The following RP1 variants were observed in gnomAD, a reference collection of about 807,000 sequenced individuals.
The protein encoded by RP1 is RP1 axonemal microtubule associated.
RP1 carries 16 observed loss-of-function variants against 14.8 expected under a neutral mutation model. That is an observed-to-expected ratio of 1.08 (90% CI 0.73 to 1.65). The LOEUF (loss-of-function observed/expected upper bound fraction) is 1.65, where lower values mean the gene tolerates loss of function less well. Ranked by LOEUF, RP1 falls within the 40% of genes most tolerant of loss-of-function variation. The pLI, the probability that RP1 is intolerant of heterozygous loss-of-function variation, is 0.00. For synonymous variants in RP1, 876 were observed against 883.6 expected (o/e 0.99, Z 0.15); for missense variants, 2,631 against 2,535.0 (o/e 1.04, Z -0.81).
chr8:54,693,331 G>A (rs1807765962), intron 12 of RP1, among the ~76,000 whole-genome samples: 2 of 152,138 alleles, frequency 1.3e-5, no homozygotes, highest in Non-Finnish European at 2.9e-5. Flanking sequence ...GAACTTGAAA[G>A]TAGTTTTTTC....
intron 7 of RP1, among the ~76,000 whole-genome samples, chr8:54,671,467 A>G (rs1166100138): frequency 1.3e-5 from 2 of 151,924 alleles, no homozygotes; most frequent in Non-Finnish European, 2.9e-5. Context: ...CGTAATGCAT[A>G]TGTTGGCCTG....
chr8:54,641,632 A>G (rs530835763), intron 3 of RP1, among the ~76,000 whole-genome samples: 1 of 152,312 alleles, frequency 6.6e-6, no homozygotes, highest in East Asian at 1.9e-4. Flanking sequence ...TTTGCCCTCC[A>G]AAAACCAGTT....
At chr8:54,795,133 T>G (rs1257090641) in intron 24 of RP1, among the ~76,000 whole-genome samples, 1 of 151,986 alleles carries the variant, frequency 6.6e-6, no homozygotes, top group Non-Finnish European at 1.5e-5. Context: ...CCCTTGTATA[T>G]TGCTTGTGGG....
intron 1 of RP1, among the ~76,000 whole-genome samples, chr8:54,601,907 C>T (rs899225949): frequency 5.3e-5 from 8 of 152,242 alleles, no homozygotes; most frequent in Middle Eastern, 3.4e-3. Context: ...AAAGTAGATT[C>T]GTGGTTGCCT....
In RP1 at chr8:54,640,181, A is replaced by G. The variant is rs140906795; in HGVS notation, c.788-8804A>G. On this transcript the variant is annotated intron_variant, in intron 3 of 22. Coordinates refer to the RP1 transcript ENST00000636932. ...TCATTTTATTTTAAATGGACATCCAATTATTCCAGCACTCTTTGTTCCAAA... is the reference window on the plus strand; with the variant it reads ...TCATTTTATTTTAAATGGACATCCAGTTATTCCAGCACTCTTTGTTCCAAA... 8.1e-3 allele frequency among the ~76,000 whole-genome samples: 1,227 copies of G among 152,026 alleles called. 18 individuals are homozygous for G. Among genetic ancestry groups the G allele is most frequent in the African/African-American group, 0.028 (1,167 of 41,454 alleles).
chr8:54,851,050 C>T (rs73679637), intron 25 of RP1, among the ~76,000 whole-genome samples: 15,757 of 150,066 alleles, frequency 0.1, 2,413 homozygotes, highest in African/African-American at 0.34. Flanking sequence ...AGTACACGTA[C>T]GTGTGTGTGT....
chr8:54,771,338 TG>T (rs1183650672), downstream of RP1, among the ~76,000 whole-genome samples: 2 of 151,988 alleles, frequency 1.3e-5, no homozygotes, highest in Admixed American at 1.3e-4. Context: ...TACCAGAACT[TG>T]GTGGGGCATA....
intron 6 of RP1, among the ~76,000 whole-genome samples, chr8:54,659,929 G>T (rs1806848869): frequency 6.6e-6 from 1 of 152,004 alleles, no homozygotes; most frequent in Non-Finnish European, 1.5e-5. Flanking sequence ...ATCTTTTGCT[G>T]CCTTGGTTTA....
chr8:54,573,986 C>A (rs1804587956), intron 1 of RP1, among the ~76,000 whole-genome samples: 1 of 152,206 alleles, frequency 6.6e-6, no homozygotes, highest in Non-Finnish European at 1.5e-5. Context: ...AGAGGACCTG[C>A]ATGTGTGCAG....
intron 12 of RP1, among the ~76,000 whole-genome samples, chr8:54,684,047 T>G (rs962045755): frequency 1.3e-5 from 2 of 151,964 alleles, no homozygotes; most frequent in African/African-American, 4.8e-5. Context: ...ACCAAAGGTC[T>G]TTTCTGTGTC....
intron 22 of RP1, chr8:54,759,174 GTATC>G (rs1809580561): frequency 9.6e-7 from 1 of 1,046,768 alleles, no homozygotes; most frequent in African/African-American, 1.8e-5. Context: ...GTGTGTGTGT[GTATC>G]TTTTAGGTCA....
intron 26 of RP1, among the ~76,000 whole-genome samples, chr8:54,853,689 T>C (rs1381016596): frequency 6.8e-6 from 1 of 147,460 alleles, no homozygotes. Context: ...GGTAGGAGAA[T>C]TGCTTGAGCC....
At position 54,827,790 on chromosome 8, in the gene RP1, C is replaced by T. The variant is rs545915879; in HGVS notation, c.3616-9660C>T. Among the ~76,000 whole-genome samples the T allele has an allele frequency of 4.6e-5, 7 of 152,012 alleles. No homozygotes were observed. The East Asian group carries it at 9.7e-4, about 21-fold the overall frequency. On this transcript the variant is annotated intron_variant, in intron 24 of 28. Transcript: ENST00000637698. ...ACAGGCGCTTGTAATCTCAGCTACT[C>T]GGGAGGCTGAGGCGGAAGAAGTGCT...
intron 1 of RP1, among the ~76,000 whole-genome samples, chr8:54,573,118 T>C (rs144378863): frequency 6.6e-6 from 1 of 152,280 alleles, no homozygotes; most frequent in Non-Finnish European, 1.5e-5. Flanking sequence ...TTTTTGGCCA[T>C]AAAACTGTGC....
At chr8:54,583,475 T>C (rs967862789) in intron 1 of RP1, among the ~76,000 whole-genome samples, 2 of 152,164 alleles carry the variant, frequency 1.3e-5, no homozygotes, top group African/African-American at 4.8e-5. Context: ...TTTTGTTGTG[T>C]CTCTGCCAGG....
chr8:54,645,934 T>TA (rs1480444653), intron 3 of RP1, among the ~76,000 whole-genome samples: 7 of 152,142 alleles, frequency 4.6e-5, no homozygotes, highest in Non-Finnish European at 7.4e-5. Context: ...GTTTGCTCAT[T>TA]AAATGACTAA....
intron 24 of RP1, among the ~76,000 whole-genome samples, chr8:54,830,828 G>T (rs1811501646): frequency 6.6e-6 from 1 of 152,016 alleles, no homozygotes; most frequent in African/African-American, 2.4e-5. Context: ...CATGCCAAAA[G>T]AAAAACTCTG....
At chr8:54,586,218 C>G (rs1341921791) in intron 1 of RP1, among the ~76,000 whole-genome samples, 1 of 152,184 alleles carries the variant, frequency 6.6e-6, no homozygotes, top group Non-Finnish European at 1.5e-5. Flanking sequence ...TTCTAACAGT[C>G]AGGACCCTCA....
At chr8:54,691,429 G>A (rs1199535387) in intron 12 of RP1, among the ~76,000 whole-genome samples, 3 of 152,050 alleles carry the variant, frequency 2.0e-5, no homozygotes, top group African/African-American at 2.4e-5. Flanking sequence ...AGATTTGAAA[G>A]CTAGGAATGT....
Sources: allele counts gnomAD v4.1 joint callset (sites outside exome capture counted in the v4.1 genomes callset), GRCh38; gene constraint gnomAD v4.1.1; transcripts MANE v1.5; gene names NCBI Gene and HGNC (gene_info 2026-07-23, HGNC 2026-07-21).